LYRM2: variants seen among roughly 807,000 people sequenced by gnomAD.
LYRM2 encodes the protein LYR motif-containing protein 2.
LYRM2 carries 8 observed loss-of-function variants against 11.6 expected under a neutral mutation model. The ratio of observed to expected loss-of-function variants is 0.69; its 90% CI spans 0.40 to 1.24. LYRM2 has a LOEUF of 1.24. LYRM2 is among the 50% of genes most tolerant of loss of function. LYRM2 has a pLI of 0.01. For synonymous variants in LYRM2, 30 were observed against 36.4 expected (o/e 0.83, Z 0.63); for missense variants, 117 against 102.9 (o/e 1.14, Z -0.59).
At chr6:89,638,602 G>A in intron 1 of LYRM2, 70 bp downstream of exon 1, 1 of 1,610,498 alleles carries the variant, frequency 6.2e-7, no homozygotes, top group Non-Finnish European at 8.5e-7. Context: ...CCCCGTTGGG[G>A]ATAGGGACAG....
rs995694318 is a variant in LYRM2 at position 89,633,670 on chromosome 6, T to G, written c.*3603A>C. 2 of 152,194 alleles carry G rather than the reference T, an allele frequency of 1.3e-5. No individual in the cohort carries two copies. Among genetic ancestry groups the G allele is most frequent in the Non-Finnish European group, 2.9e-5 (2 of 68,024 alleles). 9.4% of individuals were successfully genotyped at this position (152,194 alleles called of 1,614,324 possible). A position where few individuals can be genotyped will look rare whatever the true frequency, so the allele number is the denominator to read the frequency against. On this transcript the variant is annotated 3_prime_UTR_variant, in exon 3 of 3. Transcript: ENST00000523377. ...TTGGGAGCCCAAAATAAAGGGAGTG[T>G]TGTTTTCATGGTTATGCCTTGTTTG...
intron 1 of LYRM2, chr6:89,638,462 C>T: frequency 6.8e-7 from 1 of 1,475,268 alleles, no homozygotes. Context: ...CTGACGCTGT[C>T]TCACGCGATC....
rs1442094634 is a variant in LYRM2, at chr6:89,636,676, G to A, written c.*597C>T. On this transcript the variant is annotated 3_prime_UTR_variant, in exon 3 of 3. Coordinates refer to ENST00000523377, the MANE Select transcript of LYRM2 (RefSeq NM_020466.5). ...CCATTCTAGTGAATGTGAATCTCAG[G>A]GTTGTTTTTTTTTTTTTTTTTTAGA... 1.4e-5 allele frequency: 2 copies of A among 140,406 alleles called. No homozygotes were observed. The highest frequency in any genetic ancestry group is 3.9e-4 in the East Asian group (2 of 5,090). The allele number at this position is 140,406 out of a possible 1,614,324, so 8.7% of individuals were successfully genotyped here. A position where few individuals can be genotyped will look rare whatever the true frequency, so the allele number is the denominator to read the frequency against.
In LYRM2 at chr6:89,634,968, T is replaced by C. The variant is rs1055277909; in HGVS notation, c.*2305A>G. 6.6e-6 allele frequency: 1 copy of C among 152,004 alleles called. No homozygotes were observed. Among genetic ancestry groups the C allele is most frequent in the African/African-American group, 2.4e-5 (1 of 41,382 alleles). 9.4% of individuals were successfully genotyped at this position (152,004 alleles called of 1,614,324 possible). A position where few individuals can be genotyped will look rare whatever the true frequency, so the allele number is the denominator to read the frequency against. ...AGGCTAGCTAGTGGCCTAGCTAGTCTCGAAATCCTGACCTAAAGTGATCCA... is the reference window on the plus strand; with the variant it reads ...AGGCTAGCTAGTGGCCTAGCTAGTCCCGAAATCCTGACCTAAAGTGATCCA... On this transcript the variant is annotated 3_prime_UTR_variant, in exon 3 of 3. Coordinates refer to ENST00000523377, the MANE Select transcript of LYRM2 (RefSeq NM_020466.5).
chr6:89,637,516 T>C lies in LYRM2; in HGVS notation c.187-163A>G, dbSNP rs186203775. On this transcript the variant is annotated intron_variant, in intron 2 of 2. Transcript: ENST00000523377. ...ATACATACATATAAAATGTACAACA[T>C]AAAAGTCAAGTGATGATGCTGAAGA... Among the ~76,000 whole-genome samples, 922 of 152,270 alleles carry C rather than the reference T, an allele frequency of 6.1e-3. 17 individuals are homozygous for C. The highest frequency in any genetic ancestry group is 8.9e-3 in the Non-Finnish European group (603 of 67,998).
chr6:89,638,597 T>A, intron 1 of LYRM2, 75 bp downstream of exon 1: 1 of 1,600,982 alleles, frequency 6.2e-7, no homozygotes, highest in Non-Finnish European at 8.6e-7. Flanking sequence ...ACCCGCCCCG[T>A]TGGGGATAGG....
At chr6:89,637,929 G>T (rs748800623) in intron 1 of LYRM2, 47 bp from the exon 2 acceptor site, 21 of 1,547,366 alleles carry the variant, frequency 1.4e-5, no homozygotes, top group South Asian at 6.0e-5. Context: ...ACAATCGCCA[G>T]CCTGGAAAGT....
Position 89,637,346 on chromosome 6 carries a change from AT to A in LYRM2, c.193del (p.Ile65SerfsTer3), listed in dbSNP as rs1198074879. 1 of 1,604,320 alleles carries A rather than the reference AT, an allele frequency of 6.2e-7. No individual in the cohort carries two copies. Among genetic ancestry groups the A allele is most frequent in the African/African-American group, 1.3e-5 (1 of 74,712 alleles). ...RNKSATEEDT[I>X]RMMITQGNMQ... is the part of the protein sequence containing the mutation. ...ATTGCCTTGAGTAATCATCATCCGGATTGTATCCTGTAGAATAAAGTGAAAT... is the reference window on the plus strand; with the variant it reads ...ATTGCCTTGAGTAATCATCATCCGGATGTATCCTGTAGAATAAAGTGAAAT... On this transcript the variant is annotated frameshift_variant, in exon 3 of 3. Coordinates refer to ENST00000523377, the MANE Select transcript of LYRM2 (RefSeq NM_020466.5). LOFTEE classifies it high-confidence loss of function.
In LYRM2 at chr6:89,636,023, A is replaced by G. The variant is rs1807993825; in HGVS notation, c.*1250T>C. 1 of 171,962 alleles carries G rather than the reference A, an allele frequency of 5.8e-6. No homozygotes were observed. The highest frequency in any genetic ancestry group is 2.4e-5 in the African/African-American group (1 of 42,198). 10.7% of individuals were successfully genotyped at this position (171,962 alleles called of 1,614,324 possible). A position where few individuals can be genotyped will look rare whatever the true frequency, so the allele number is the denominator to read the frequency against. Reference sequence around the variant, plus strand: ...TGAGTTCTCTATCAAACTATGACACATCTGAAGAACGTACCTGAACAACCC... The same window carrying G: ...TGAGTTCTCTATCAAACTATGACACGTCTGAAGAACGTACCTGAACAACCC... On this transcript the variant is annotated 3_prime_UTR_variant, in exon 3 of 3. Coordinates refer to ENST00000523377, the MANE Select transcript of LYRM2 (RefSeq NM_020466.5).
intron 1 of LYRM2, chr6:89,638,167 T>G: frequency 1.5e-6 from 1 of 684,966 alleles, no homozygotes; most frequent in Non-Finnish European, 2.0e-6. Context: ...AGTGAGGCCC[T>G]GTCTCAAAAA....
rs1250445840 is a variant in LYRM2 at position 89,637,209 on chromosome 6, T to C, written c.*64A>G. On this transcript the variant is annotated 3_prime_UTR_variant, in exon 3 of 3. Coordinates refer to ENST00000523377, the MANE Select transcript of LYRM2 (RefSeq NM_020466.5). ...GTAAGACTGGGCTTTGTGTTGTCCA[T>C]TGTTAATCCTAAATGCAACAAAACA... 14 of 798,768 alleles carry C rather than the reference T, an allele frequency of 1.8e-5. No homozygotes were observed. In the Admixed American group the frequency reaches 2.5e-4, roughly 14 times the overall value. The allele number at this position is 798,768 out of a possible 1,614,324, so 49.5% of individuals were successfully genotyped here. A position where few individuals can be genotyped will look rare whatever the true frequency, so the allele number is the denominator to read the frequency against.
At chr6:89,638,112 G>A (rs868772661) in intron 1 of LYRM2, among the ~76,000 whole-genome samples, 7 of 152,278 alleles carry the variant, frequency 4.6e-5, no homozygotes, top group Middle Eastern at 6.8e-3. Context: ...GGAGGTCTAA[G>A]CTGAGGTAAG....
Position 89,637,020 on chromosome 6 carries a change from C to A in LYRM2, c.*253G>T. 5.7e-6 allele frequency: 2 copies of A among 350,644 alleles called. No homozygotes were observed. Among genetic ancestry groups the A allele is most frequent in the Non-Finnish European group, 1.0e-5 (2 of 191,546 alleles). The allele number at this position is 350,644 out of a possible 1,614,324, so 21.7% of individuals were successfully genotyped here. A position where few individuals can be genotyped will look rare whatever the true frequency, so the allele number is the denominator to read the frequency against. On this transcript the variant is annotated 3_prime_UTR_variant, in exon 3 of 3. Coordinates refer to ENST00000523377, the MANE Select transcript of LYRM2 (RefSeq NM_020466.5). ...ATTTACACTTCCCTAATGATTGTGT[C>A]CAGCATCTACTGGCCATTTGTTAGT...
intron 1 of LYRM2, chr6:89,638,376 G>C (rs1808080511): frequency 1.5e-6 from 2 of 1,316,062 alleles, no homozygotes; most frequent in East Asian, 6.3e-5. Flanking sequence ...TTTGCTGTTT[G>C]CCACAGCTCA....
Position 89,637,574 on chromosome 6 carries a change from A to G in LYRM2, c.186+168T>C, listed in dbSNP as rs549340325. 50 of 658,576 alleles carry G rather than the reference A, an allele frequency of 7.6e-5. 2 individuals are homozygous for G. In the South Asian group the frequency reaches 1.2e-3, roughly 16 times the overall value. The allele number at this position is 658,576 out of a possible 1,614,324, so 40.8% of individuals were successfully genotyped here. A position where few individuals can be genotyped will look rare whatever the true frequency, so the allele number is the denominator to read the frequency against. Reference sequence around the variant, plus strand: ...TACTCTTTTATCTACATATTTTAAAATACTAAATTTTAAAATAATAATTTA... The same window carrying G: ...TACTCTTTTATCTACATATTTTAAAGTACTAAATTTTAAAATAATAATTTA... On this transcript the variant is annotated intron_variant, in intron 2 of 2. Transcript: ENST00000523377.
intron 1 of LYRM2, chr6:89,638,449 C>A: frequency 6.9e-7 from 1 of 1,449,278 alleles, no homozygotes; most frequent in East Asian, 2.5e-5. Context: ...GGAAATCAAG[C>A]GCCTGACGCT....
In LYRM2 at chr6:89,638,083, G is replaced by A. The variant is rs571445546; in HGVS notation, c.46-201C>T. Among the ~76,000 whole-genome samples, 4 of 152,254 alleles carry A rather than the reference G, an allele frequency of 2.6e-5. No homozygotes were observed. In the South Asian group the frequency reaches 8.3e-4, roughly 32 times the overall value. ...CCCAGCACTTTGGGAGGCCAAGATG[G>A]GAGGATCACTTGAGCCCAGGAGGTC... On this transcript the variant is annotated intron_variant, in intron 1 of 2. Coordinates refer to ENST00000523377, the MANE Select transcript of LYRM2 (RefSeq NM_020466.5).
intron 1 of LYRM2, chr6:89,638,369 G>A (rs1197715213): frequency 6.1e-6 from 8 of 1,302,592 alleles, no homozygotes; most frequent in Non-Finnish European, 7.8e-6. Context: ...AATCTCATTT[G>A]CTGTTTGCCA....
rs1372534504 is a variant in LYRM2 at position 89,637,141 on chromosome 6, T to G, written c.*132A>C. Reference sequence around the variant, plus strand: ...GTGTTAAGGCAACTGTTCTGATGTGTTTTTCCTTTGCTCTCTATCACCAAA... The same window carrying G: ...GTGTTAAGGCAACTGTTCTGATGTGGTTTTCCTTTGCTCTCTATCACCAAA... On this transcript the variant is annotated 3_prime_UTR_variant, in exon 3 of 3. Coordinates refer to ENST00000523377, the MANE Select transcript of LYRM2 (RefSeq NM_020466.5). The G allele has an allele frequency of 1.8e-6, 1 of 568,038 alleles. No individual in the cohort carries two copies. Among genetic ancestry groups the G allele is most frequent in the African/African-American group, 1.9e-5 (1 of 52,296 alleles). The allele number at this position is 568,038 out of a possible 1,614,324, so 35.2% of individuals were successfully genotyped here. A position where few individuals can be genotyped will look rare whatever the true frequency, so the allele number is the denominator to read the frequency against.
Sources: allele counts gnomAD v4.1 joint callset (sites outside exome capture counted in the v4.1 genomes callset), GRCh38; gene constraint gnomAD v4.1.1; transcripts MANE v1.5; gene names NCBI Gene and HGNC (gene_info 2026-07-23, HGNC 2026-07-21).